The following MACROD2 variants were observed in gnomAD, a reference collection of about 807,000 sequenced individuals.
MACROD2 encodes ADP-ribose glycohydrolase MACROD2.
In MACROD2, 36 loss-of-function variants were observed where a neutral mutation model predicts 70.4. That is an observed-to-expected ratio of 0.51 (90% CI 0.39 to 0.68). The LOEUF is 0.68. Ranked by LOEUF, MACROD2 falls within the 30% of genes least tolerant of loss-of-function variation. MACROD2 has a pLI of 0.00. For synonymous variants in MACROD2, 172 were observed against 178.8 expected (o/e 0.96, Z 0.30); for missense variants, 496 against 538.4 (o/e 0.92, Z 0.78).
chr20:14,634,534 T>C (rs1420163811), intron 4 of MACROD2, among the ~76,000 whole-genome samples: 1 of 150,558 alleles, frequency 6.6e-6, no homozygotes, highest in African/African-American at 2.5e-5. Flanking sequence ...TTTTTCCTTC[T>C]TATCCCTCCC....
chr20:14,366,126 G>T lies in MACROD2; in HGVS notation c.272-127353G>T, dbSNP rs150993253. 1.2e-3 allele frequency among the ~76,000 whole-genome samples: 176 copies of T among 152,226 alleles called. 1 individual carries two copies. Among genetic ancestry groups the T allele is most frequent in the African/African-American group, 4.1e-3 (170 of 41,536 alleles). ...ATCTGTTGGATGTAGTCTGTTTATA[G>T]TGTTGTCCAAGGCCTGTATTTCCTT... On this transcript the variant is annotated intron_variant, in intron 3 of 17. Coordinates refer to ENST00000684519, the MANE Select transcript of MACROD2 (RefSeq NM_001351661.2).
chr20:14,575,017 CAAA>C (rs1195216470), intron 4 of MACROD2, among the ~76,000 whole-genome samples: 7 of 49,956 alleles, frequency 1.4e-4, no homozygotes, highest in African/African-American at 5.1e-4. Context: ...GACTCTGTCT[CAAA>C]AAAAAAAAAA....
chr20:14,789,460 A>ATTCTTTTTTTTTTTTTTTTTTTTT (rs1555830595), intron 5 of MACROD2, among the ~76,000 whole-genome samples: 1 of 48,326 alleles, frequency 2.1e-5, no homozygotes, highest in African/African-American at 8.6e-5. Context: ...GGTAGTGCAA[A>ATTCTTTTTTTTTTTTTTTTTTTTT]TTTTTTTTTT....
chr20:14,752,381 C>CAA (rs200764855), intron 5 of MACROD2, among the ~76,000 whole-genome samples: 1 of 148,862 alleles, frequency 6.7e-6, no homozygotes, highest in African/African-American at 2.5e-5. Context: ...TTATAGAAGC[C>CAA]AAAAAAAAAT....
At position 15,909,201 on chromosome 20, in the gene MACROD2, G is replaced by A. The variant is rs543644081; in HGVS notation, c.775+23390G>A. 3.3e-5 allele frequency among the ~76,000 whole-genome samples: 5 copies of A among 152,288 alleles called. No homozygotes were observed. The South Asian group carries it at 8.3e-4, about 25-fold the overall frequency. On this transcript the variant is annotated intron_variant, in intron 10 of 17. Transcript: ENST00000684519. ...TTGGGCATCTCTCTAGCTTGATGAA[G>A]TCTCTCCATGTAATCTACCAGCATG...
In MACROD2 at chr20:15,783,412, A is replaced by T. The variant is rs574174886; in HGVS notation, c.646-79333A>T. On this transcript the variant is annotated intron_variant, in intron 8 of 17. Coordinates refer to ENST00000684519, the MANE Select transcript of MACROD2 (RefSeq NM_001351661.2). ...TGTGTTCACCTGACCTTATTTCTAG[A>T]TACACCATGTGGTTCTCATCACTAT... Among the ~76,000 whole-genome samples, 9 of 152,224 alleles carry T rather than the reference A, an allele frequency of 5.9e-5. No homozygotes were observed. The South Asian group carries it at 1.7e-3, about 28-fold the overall frequency.
At chr20:14,983,891 C>T (rs76486858) in intron 5 of MACROD2, among the ~76,000 whole-genome samples, 1,741 of 152,188 alleles carry the variant, frequency 0.011, 34 homozygotes, top group African/African-American at 0.039. Flanking sequence ...AGCCTTTGTT[C>T]GGGAAATATG....
chr20:14,314,311 T>C (rs1281226337), intron 3 of MACROD2, among the ~76,000 whole-genome samples: 1 of 152,238 alleles, frequency 6.6e-6, no homozygotes, highest in Non-Finnish European at 1.5e-5. Flanking sequence ...TAGCATTTGC[T>C]TCTGTAAAAT....
rs57723369 is a variant in MACROD2 at position 15,768,035 on chromosome 20, C to CAAA, written c.646-94702_646-94700dup. Reference sequence around the variant, plus strand: ...AGAATTAGCATATTAGCATCAGTTGCAAAAAAAAAATAGGCAATAGAGAAA... The same window carrying CAAA: ...AGAATTAGCATATTAGCATCAGTTGCAAAAAAAAAAAAATAGGCAATAGAGAAA... On this transcript the variant is annotated intron_variant, in intron 8 of 17. Coordinates refer to ENST00000684519, the MANE Select transcript of MACROD2 (RefSeq NM_001351661.2). Among the ~76,000 whole-genome samples the CAAA allele has an allele frequency of 8.6e-3, 1,228 of 143,156 alleles. 9 individuals are homozygous for CAAA. Among genetic ancestry groups the CAAA allele is most frequent in the African/African-American group, 0.029 (1,138 of 39,064 alleles). 93.9% of individuals were successfully genotyped at this position (143,156 alleles called of 152,430 possible).
intron 4 of MACROD2, among the ~76,000 whole-genome samples, chr20:14,679,844 G>A (rs903808966): frequency 6.6e-6 from 1 of 152,110 alleles, no homozygotes; most frequent in Non-Finnish European, 1.5e-5. Context: ...AGACTAACAT[G>A]TATCAGATGA....
intron 5 of MACROD2, among the ~76,000 whole-genome samples, chr20:15,098,994 AGTTAATGGTTTTG>A (rs2075853287): frequency 6.6e-6 from 1 of 152,242 alleles, no homozygotes; most frequent in Non-Finnish European, 1.5e-5. Context: ...CCTATGAATT[AGTTAATGGTTTTG>A]GCTGAGAGGC....
intron 7 of MACROD2, among the ~76,000 whole-genome samples, chr20:15,455,842 A>AT (rs1207662624): frequency 6.6e-6 from 1 of 152,006 alleles, no homozygotes; most frequent in Non-Finnish European, 1.5e-5. Flanking sequence ...ATTTCAGCTC[A>AT]TTTTTTTAAG....
intron 3 of MACROD2, among the ~76,000 whole-genome samples, chr20:14,196,809 A>G (rs1254552291): frequency 6.6e-6 from 1 of 152,204 alleles, no homozygotes; most frequent in African/African-American, 2.4e-5. Flanking sequence ...ATGGTTGCTG[A>G]CAGCTCTTAG....
chr20:15,434,653 G>T (rs905330150), intron 7 of MACROD2, among the ~76,000 whole-genome samples: 2 of 152,056 alleles, frequency 1.3e-5, no homozygotes, highest in East Asian at 3.9e-4. Context: ...ATTCCATCCA[G>T]CAATCCACTA....
chr20:15,873,739 C>T (rs2147185836), intron 9 of MACROD2, among the ~76,000 whole-genome samples: 1 of 151,720 alleles, frequency 6.6e-6, no homozygotes, highest in East Asian at 1.9e-4. Context: ...GACGAAAAGT[C>T]CGAAGGTTTA....
intron 3 of MACROD2, among the ~76,000 whole-genome samples, chr20:14,375,649 A>G (rs1047777091): frequency 6.6e-6 from 1 of 152,216 alleles, no homozygotes; most frequent in Non-Finnish European, 1.5e-5. Context: ...GTCTGAGAAG[A>G]GCTAGTAGTT....
At chr20:15,826,374 T>C (rs2063997321) in intron 8 of MACROD2, among the ~76,000 whole-genome samples, 1 of 152,234 alleles carries the variant, frequency 6.6e-6, no homozygotes, top group Non-Finnish European at 1.5e-5. Context: ...TACTATGTGC[T>C]AAGTTCTACT....
chr20:14,863,303 A>C (rs1208937155), intron 5 of MACROD2, among the ~76,000 whole-genome samples: 1 of 152,058 alleles, frequency 6.6e-6, no homozygotes, highest in Non-Finnish European at 1.5e-5. Flanking sequence ...CACATTGTAG[A>C]TTTCTTGTCC....
At chr20:15,837,180 C>T in intron 8 of MACROD2, among the ~76,000 whole-genome samples, 1 of 152,112 alleles carries the variant, frequency 6.6e-6, no homozygotes, top group Non-Finnish European at 1.5e-5. Flanking sequence ...CCCTTTTTAA[C>T]CTTTAAACAA....
Sources: gnomAD v4.1 joint callset for allele counts (sites outside exome capture counted in the v4.1 genomes callset) on GRCh38, gnomAD v4.1.1 for gene constraint, MANE v1.5 for transcripts, NCBI Gene and HGNC (gene_info 2026-07-23, HGNC 2026-07-21) for gene names.